Variants in GLB1 observed in about 807,000 individuals in gnomAD.
GLB1 encodes the protein beta-galactosidase.
GLB1 carries 56 observed loss-of-function variants against 74.0 expected under a neutral mutation model. The ratio of observed to expected loss-of-function variants is 0.76; its 90% CI spans 0.61 to 0.94. GLB1 has a LOEUF of 0.94. Among genes scored for constraint, GLB1 ranks in the 40% least tolerant of loss-of-function variants. The pLI is 0.00. For missense variants in GLB1, 787 were observed against 845.5 expected (o/e 0.93, Z 0.86); for synonymous variants, 323 against 323.6 (o/e 1.00, Z 0.02).
chr3:33,058,923 A>G (rs549709591), intron 5 of GLB1, among the ~76,000 whole-genome samples: 82 of 152,284 alleles, frequency 5.4e-4, no homozygotes, highest in African/African-American at 1.9e-3. Flanking sequence ...TTTGTGCTCA[A>G]TAACATCGGT....
At position 33,053,504 on chromosome 3, in the gene GLB1, G is replaced by T. The variant is rs2125525594; in HGVS notation, c.779C>A (p.Pro260His). The T allele has an allele frequency of 2.5e-6, 4 of 1,614,076 alleles. No individual in the cohort carries two copies. The Admixed American group carries it at 6.7e-5, about 27-fold the overall frequency. The part of the protein sequence containing the change: ...DAFLSQRKCE[P>H]KGPLINSEFY... ...CTCGATTCTTACCAAGGGTCCTTTGGGCTCACACTTCCTCTGGCTTAGGAA... is the reference window on the plus strand; with the variant it reads ...CTCGATTCTTACCAAGGGTCCTTTGTGCTCACACTTCCTCTGGCTTAGGAA... Residue 260 changes from proline (P) to histidine (H), a missense_variant, in exon 7 of 16, where the codon CCC (proline) becomes CAC (histidine). Transcript: ENST00000307363.
intron 14 of GLB1, among the ~76,000 whole-genome samples, chr3:33,014,588 T>C (rs1022979908): frequency 2.0e-5 from 3 of 152,160 alleles, no homozygotes; most frequent in African/African-American, 7.2e-5. Flanking sequence ...AGAAAGGGCA[T>C]TGAGTTGCTA....
At chr3:32,997,422 G>T in intron 15 of GLB1, 78 bp from the exon 16 acceptor site, 1 of 1,588,910 alleles carries the variant, frequency 6.3e-7, no homozygotes, top group Non-Finnish European at 8.6e-7. Flanking sequence ...CTGATGTAGG[G>T]CAGGCCAGCA....
chr3:33,087,904 T>C (rs1009561283), intron 1 of GLB1, among the ~76,000 whole-genome samples: 2 of 152,102 alleles, frequency 1.3e-5, no homozygotes, highest in Admixed American at 1.3e-4. Context: ...AAAAGGGTTA[T>C]ATACTATGAT....
chr3:33,021,747 G>T, intron 11 of GLB1, 92 bp from the exon 12 acceptor site: 1 of 1,436,808 alleles, frequency 7.0e-7, no homozygotes. Flanking sequence ...GACATCAGTG[G>T]GTTTGACCAA....
intron 1 of GLB1, chr3:33,092,881 C>G: frequency 6.2e-7 from 1 of 1,613,436 alleles, no homozygotes; most frequent in Non-Finnish European, 8.5e-7. Context: ...GCCCTGCTAC[C>G]CAGCCTCATG....
intron 13 of GLB1, among the ~76,000 whole-genome samples, chr3:33,017,432 C>T (rs1043781082): frequency 2.0e-5 from 3 of 152,192 alleles, no homozygotes; most frequent in Admixed American, 6.5e-5. Context: ...ACTAAGACAA[C>T]ACCCAAGTTA....
At chr3:32,999,595 C>T (rs1559376059) in intron 15 of GLB1, among the ~76,000 whole-genome samples, 1 of 152,140 alleles carries the variant, frequency 6.6e-6, no homozygotes, top group South Asian at 2.1e-4. Flanking sequence ...CCCTGGATCC[C>T]CTTCCCTGGA....
chr3:33,077,283 G>C, intron 1 of GLB1: 1 of 1,573,274 alleles, frequency 6.4e-7, no homozygotes, highest in Non-Finnish European at 8.6e-7. Context: ...GGGCAGGAGG[G>C]TTCTGTGGTG....
chr3:33,084,449 T>C (rs773099257), intron 1 of GLB1, among the ~76,000 whole-genome samples: 1 of 152,242 alleles, frequency 6.6e-6, no homozygotes, highest in Non-Finnish European at 1.5e-5. Flanking sequence ...GCAATGGTGA[T>C]AATCTATATG....
intron 5 of GLB1, among the ~76,000 whole-genome samples, chr3:33,064,966 G>A (rs2125542928): frequency 1.3e-5 from 2 of 152,204 alleles, no homozygotes; most frequent in African/African-American, 4.8e-5. Context: ...GGAAGTAAGA[G>A]AGGAAACATA....
intron 15 of GLB1, among the ~76,000 whole-genome samples, chr3:33,002,422 C>A (rs62250892): frequency 0.078 from 11,300 of 144,468 alleles, 456 homozygotes; most frequent in Middle Eastern, 0.088. Flanking sequence ...GACTAGACTG[C>A]AGCTGCACTA....
At chr3:32,992,700 G>C (rs987510483), downstream of GLB1, among the ~76,000 whole-genome samples, 1 of 152,198 alleles carries the variant, frequency 6.6e-6, no homozygotes, top group East Asian at 1.9e-4. Context: ...CAGTGCTGCT[G>C]GTTTGGGAGT....
intron 9 of GLB1, among the ~76,000 whole-genome samples, chr3:33,051,095 T>TGGTGGC (rs1046266621): frequency 7.3e-5 from 11 of 150,886 alleles, no homozygotes; most frequent in African/African-American, 2.7e-4. Flanking sequence ...TAGCTGGGTG[T>TGGTGGC]GGTGGCGGGT....
chr3:33,015,168 G>C (rs1697189968), intron 14 of GLB1, among the ~76,000 whole-genome samples: 1 of 152,110 alleles, frequency 6.6e-6, no homozygotes, highest in African/African-American at 2.4e-5. Flanking sequence ...TGGAATCTGG[G>C]GACAGAAGGA....
chr3:33,090,395 C>T lies in GLB1; in HGVS notation c.75+6616G>A, dbSNP rs767349064. ...AGTTTAAAACAAACCAAACAAAACA[C>T]GAGGGGAAGAAAAGCATGGATGGGT... On this transcript the variant is annotated intron_variant, in intron 1 of 15. Transcript: ENST00000307363. 15 of 985,002 alleles carry T rather than the reference C, an allele frequency of 1.5e-5. No individual in the cohort carries two copies. The South Asian group carries it at 5.6e-4, about 37-fold the overall frequency. 61.0% of individuals were successfully genotyped at this position (985,002 alleles called of 1,614,324 possible).
At chr3:33,039,708 A>G (rs1434851229) in intron 10 of GLB1, among the ~76,000 whole-genome samples, 1 of 152,230 alleles carries the variant, frequency 6.6e-6, no homozygotes, top group East Asian at 1.9e-4. Flanking sequence ...ATAACATTGG[A>G]TGAGATAACA....
At position 33,021,590 on chromosome 3, in the gene GLB1, G is replaced by C. The variant is rs528690108; in HGVS notation, c.1209C>G (p.Pro403=). 99 of 1,614,020 alleles carry C rather than the reference G, an allele frequency of 6.1e-5. 3 individuals are homozygous for C. The South Asian group carries it at 1.0e-3, about 17-fold the overall frequency. The part of the protein sequence containing the change: ...CPSGPIKSLY[P]LTFIQVKQHY... ...CCTGTTTCACCTGGATAAATGTCAAGGGATAAAGGCTTTTGATGGGCCCAG... is the reference window on the plus strand; with the variant it reads ...CCTGTTTCACCTGGATAAATGTCAACGGATAAAGGCTTTTGATGGGCCCAG... Residue 403 remains proline, a synonymous_variant, in exon 12 of 16, where the codon CCC becomes CCG. Transcript: ENST00000307363.
chr3:33,089,031 A>T (rs1352173631), intron 1 of GLB1, among the ~76,000 whole-genome samples: 1 of 152,206 alleles, frequency 6.6e-6, no homozygotes, highest in Non-Finnish European at 1.5e-5. Context: ...TTGATGTTAG[A>T]AAAGGACAAT....
Sources: allele counts gnomAD v4.1 joint callset (sites outside exome capture counted in the v4.1 genomes callset), GRCh38; gene constraint gnomAD v4.1.1; transcripts MANE v1.5; gene names NCBI Gene and HGNC (gene_info 2026-07-23, HGNC 2026-07-21).